KCNQ1: variants seen among roughly 807,000 people sequenced by gnomAD.
The protein encoded by KCNQ1 is potassium voltage-gated channel subfamily KQT member 1.
KCNQ1 carries 49 observed loss-of-function variants against 72.4 expected under a neutral mutation model. That is an observed-to-expected ratio of 0.68 (90% CI 0.54 to 0.86). KCNQ1 has a LOEUF of 0.86. Ranked by LOEUF, KCNQ1 falls within the 40% of genes least tolerant of loss-of-function variation. The pLI is 0.00. For missense variants in KCNQ1, 790 were observed against 945.1 expected (o/e 0.84, Z 2.15); for synonymous variants, 450 against 412.6 (o/e 1.09, Z -1.10).
intron 12 of KCNQ1, among the ~76,000 whole-genome samples, chr11:2,770,490 G>A (rs991397624): frequency 3.3e-5 from 5 of 152,332 alleles, no homozygotes; most frequent in Admixed American, 6.5e-5. Flanking sequence ...TCTGGCCACC[G>A]GGCCACCATC....
intron 15 of KCNQ1, among the ~76,000 whole-genome samples, chr11:2,820,496 C>T (rs1281608702): frequency 6.6e-6 from 1 of 152,028 alleles, no homozygotes; most frequent in Non-Finnish European, 1.5e-5. Context: ...GCGGTGGAGT[C>T]TTTTCTGTTA....
Position 2,598,609 on chromosome 11 carries a change from T to TAAAAAA in KCNQ1, c.1393+9762_1393+9767dup, listed in dbSNP as rs767929610. ...CATTTAGGTCTGCTCTGCCCTTAGT[T>TAAAAAA]AAAAAAAAAAAACCCTAATACATCT... On this transcript the variant is annotated intron_variant, in intron 10 of 15. Coordinates refer to ENST00000155840, the MANE Select transcript of KCNQ1 (RefSeq NM_000218.3). This position sits in a 1 kb window ranked among gnomAD's most constrained non-coding sequence, Gnocchi z 6.2. 0.15 allele frequency among the ~76,000 whole-genome samples: 21,200 copies of TAAAAAA among 142,730 alleles called. 1,838 individuals are homozygous for TAAAAAA. The highest frequency in any genetic ancestry group is 0.27 in the East Asian group (1,306 of 4,848). The allele number at this position is 142,730 out of a possible 152,430, so 93.6% of individuals were successfully genotyped here.
In KCNQ1 at chr11:2,657,842, A is replaced by G; in HGVS notation, c.1394-4119A>G. 1 of 398,590 alleles carries G rather than the reference A, an allele frequency of 2.5e-6. No homozygotes were observed. Among genetic ancestry groups the G allele is most frequent in the East Asian group, 3.6e-5 (1 of 28,080 alleles). 24.7% of individuals were successfully genotyped at this position (398,590 alleles called of 1,614,324 possible). The stretch of plus-strand genomic sequence containing the variant: ...TGGATTTGTCTGGTGTTTTCTCAGG[A>G]CTAGACCAGGGTTATAGGTTTAGGG... On this transcript the variant is annotated intron_variant, in intron 10 of 15. Coordinates refer to ENST00000155840, the MANE Select transcript of KCNQ1 (RefSeq NM_000218.3). This position sits in a 1 kb window ranked among gnomAD's most constrained non-coding sequence, Gnocchi z 4.8.
At chr11:2,639,772 T>A in intron 10 of KCNQ1, 1 of 152,530 alleles carries the variant, frequency 6.6e-6, no homozygotes, top group Non-Finnish European at 1.5e-5. Context: ...TGCAGAGGTT[T>A]CTGCTGCCTT....
chr11:2,627,583 G>C lies in KCNQ1; in HGVS notation c.1394-34378G>C, dbSNP rs1397469134. The C allele has an allele frequency of 2.5e-6, 1 of 398,266 alleles. No homozygotes were observed. Among genetic ancestry groups the C allele is most frequent in the African/African-American group, 2.1e-5 (1 of 48,504 alleles). The allele number at this position is 398,266 out of a possible 1,614,324, so 24.7% of individuals were successfully genotyped here. On this transcript the variant is annotated intron_variant, in intron 10 of 15. Coordinates refer to ENST00000155840, the MANE Select transcript of KCNQ1 (RefSeq NM_000218.3). The surrounding 1 kb of genome is among the most constrained non-coding windows in gnomAD (Gnocchi z 4.9). ...TTTCTGTGTCTGGCTATTTCACTTA[G>C]CATAATATCCTCCAGGTTCATCTAT...
At chr11:2,666,415 G>T in intron 11 of KCNQ1, 1 of 398,700 alleles carries the variant, frequency 2.5e-6, no homozygotes, top group Non-Finnish European at 4.4e-6. Context: ...ACAGCCCCGT[G>T]TGCGTTAATT....
chr11:2,795,189 C>T (rs994937566), intron 15 of KCNQ1, among the ~76,000 whole-genome samples: 4 of 152,236 alleles, frequency 2.6e-5, no homozygotes, highest in African/African-American at 7.2e-5. Flanking sequence ...CCCCTACCCC[C>T]GACCTCTCGG....
intron 10 of KCNQ1, chr11:2,616,088 T>A (rs2106465): frequency 0.57 from 226,574 of 397,832 alleles, 66,519 homozygotes; most frequent in East Asian, 0.75. Context: ...GTATTAGTAT[T>A]TTGTGAATTC....
chr11:2,826,383 G>A lies in KCNQ1; in HGVS notation c.1795-21384G>A, dbSNP rs972139340. On this transcript the variant is annotated intron_variant, in intron 15 of 15. Transcript: ENST00000155840. This position sits in a 1 kb window ranked among gnomAD's most constrained non-coding sequence, Gnocchi z 4.2. ...CCTGGCAGTAACCAGGCCAGCTGGG[G>A]GTCAGAACCCGCGGCCAGGCCCAGC... Among the ~76,000 whole-genome samples, 2 of 152,258 alleles carry A rather than the reference G, an allele frequency of 1.3e-5. No individual in the cohort carries two copies. The highest frequency in any genetic ancestry group is 4.8e-5 in the African/African-American group (2 of 41,470).
rs1589990897 is a variant in KCNQ1, at chr11:2,628,706, C to T, written c.1394-33255C>T. ...TTTGATGTCACATCTAAAAAATTGT[C>T]ACAAAAACCAATGGCAAGGAGCTTT... is the stretch of plus-strand genomic sequence containing the variant. On this transcript the variant is annotated intron_variant, in intron 10 of 15. Transcript: ENST00000155840. 6 of 398,174 alleles carry T rather than the reference C, an allele frequency of 1.5e-5. No homozygotes were observed. The East Asian group carries it at 2.1e-4, about 14-fold the overall frequency. The allele number at this position is 398,174 out of a possible 1,614,324, so 24.7% of individuals were successfully genotyped here.
In KCNQ1 at chr11:2,787,667, C is replaced by G. The variant is rs1846938501; in HGVS notation, c.1794+9630C>G. 6.6e-6 allele frequency among the ~76,000 whole-genome samples: 1 copy of G among 152,118 alleles called. No individual in the cohort carries two copies. The highest frequency in any genetic ancestry group is 2.4e-5 in the African/African-American group (1 of 41,422). ...TTTTTAAAACTCTTAAAATTGTTGA[C>G]ATTCTTCTTTTTCATACTGGGTCTT... On this transcript the variant is annotated intron_variant, in intron 15 of 15. Coordinates refer to ENST00000155840, the MANE Select transcript of KCNQ1 (RefSeq NM_000218.3). The surrounding 1 kb of genome is among the most constrained non-coding windows in gnomAD (Gnocchi z 6.3).
rs542874384 is a variant in KCNQ1 at position 2,734,251 on chromosome 11, G to C, written c.1515-34593G>C. Among the ~76,000 whole-genome samples, 1 of 152,334 alleles carries C rather than the reference G, an allele frequency of 6.6e-6. No homozygotes were observed. Among genetic ancestry groups the C allele is most frequent in the Non-Finnish European group, 1.5e-5 (1 of 68,030 alleles). ...GCAGATTGGGAGGGTCAGGTCCTAAGAGGCCTCAGGCCGGAGCCCAGCTGC... is the reference window on the plus strand; with the variant it reads ...GCAGATTGGGAGGGTCAGGTCCTAACAGGCCTCAGGCCGGAGCCCAGCTGC... On this transcript the variant is annotated intron_variant, in intron 11 of 15. Transcript: ENST00000155840. This position sits in a 1 kb window ranked among gnomAD's most constrained non-coding sequence, Gnocchi z 7.0.
intron 11 of KCNQ1, among the ~76,000 whole-genome samples, chr11:2,737,433 G>T (rs1048310611): frequency 2.0e-5 from 3 of 152,178 alleles, no homozygotes; most frequent in African/African-American, 7.2e-5. Flanking sequence ...CTGGATGCCC[G>T]CGAGCTGCAA....
At chr11:2,461,794 G>T in intron 1 of KCNQ1, 1 of 1,226,962 alleles carries the variant, frequency 8.2e-7, no homozygotes, top group Non-Finnish European at 1.1e-6. Context: ...GTCAGTTATG[G>T]GTGGCGGGTA....
intron 10 of KCNQ1, among the ~76,000 whole-genome samples, chr11:2,607,482 T>A (rs1848899517): frequency 6.6e-6 from 1 of 152,176 alleles, no homozygotes; most frequent in East Asian, 1.9e-4. Context: ...TGGAATGGAT[T>A]AGTGCCCTTG....
At chr11:2,586,242 C>A (rs1848590416) in intron 8 of KCNQ1, among the ~76,000 whole-genome samples, 1 of 152,220 alleles carries the variant, frequency 6.6e-6, no homozygotes, top group East Asian at 1.9e-4. Context: ...CTGGCGTCCC[C>A]CCTGCAGTCC....
At chr11:2,794,522 G>T (rs571722265) in intron 15 of KCNQ1, among the ~76,000 whole-genome samples, 1 of 152,300 alleles carries the variant, frequency 6.6e-6, no homozygotes, top group East Asian at 1.9e-4. Flanking sequence ...GGCGGCACAG[G>T]GGAGAAGCAG....
rs955977386 is a variant in KCNQ1 at position 2,613,194 on chromosome 11, T to C, written c.1393+24340T>C. 1 of 398,402 alleles carries C rather than the reference T, an allele frequency of 2.5e-6. No individual in the cohort carries two copies. Among genetic ancestry groups the C allele is most frequent in the African/African-American group, 2.1e-5 (1 of 48,576 alleles). The allele number at this position is 398,402 out of a possible 1,614,324, so 24.7% of individuals were successfully genotyped here. A position where few individuals can be genotyped will look rare whatever the true frequency, so the allele number is the denominator to read the frequency against. ...AAAGTTCAGGCACTTTATAACTCTG[T>C]CCTGTATTTTACTGTCTGCTTGCAA... On this transcript the variant is annotated intron_variant, in intron 10 of 15. Transcript: ENST00000155840. The surrounding 1 kb of genome is among the most constrained non-coding windows in gnomAD (Gnocchi z 4.8).
intron 11 of KCNQ1, chr11:2,672,088 C>A: frequency 2.5e-6 from 1 of 398,728 alleles, no homozygotes; most frequent in Non-Finnish European, 4.4e-6. Flanking sequence ...GACTGAGCAG[C>A]TGTCTTCTGC....
Sources: allele counts gnomAD v4.1 joint callset (sites outside exome capture counted in the v4.1 genomes callset), GRCh38; gene constraint gnomAD v4.1.1; non-coding constraint Gnocchi (gnomAD v3.1); transcripts MANE v1.5; gene names NCBI Gene and HGNC (gene_info 2026-07-23, HGNC 2026-07-21).